MGA: variants seen among roughly 807,000 people sequenced by gnomAD.
MGA encodes the protein MAX dimerization protein MGA.
Under a neutral mutation model 261.1 loss-of-function variants are expected in MGA, and 40 were observed. That is an observed-to-expected ratio of 0.15 (90% CI 0.12 to 0.20). The LOEUF (loss-of-function observed/expected upper bound fraction) is 0.20, where lower values mean the gene tolerates loss of function less well. MGA is among the 10% of genes least tolerant of loss of function. The pLI is 1.00. For missense variants in MGA, 3,397 were observed against 3,630.5 expected, an observed-to-expected ratio of 0.94 and a Z score of 1.65; for synonymous variants, 1,302 against 1,290.6, an observed-to-expected ratio of 1.01 and a Z score of -0.19.
At chr15:41,724,280 A>G (rs1045868548) in intron 9 of MGA, among the ~76,000 whole-genome samples, 1 of 152,198 alleles carries the variant, frequency 6.6e-6, no homozygotes, top group African/African-American at 2.4e-5. Flanking sequence ...CATACTTACT[A>G]CACATGCTAC....
chr15:41,622,270 C>T (rs970872064), intron 1 of MGA, among the ~76,000 whole-genome samples: 1 of 152,200 alleles, frequency 6.6e-6, no homozygotes, highest in African/African-American at 2.4e-5. Context: ...TTCCATTTCT[C>T]ATTCAGCTCG....
At chr15:41,683,984 C>G (rs1199344268) in intron 2 of MGA, among the ~76,000 whole-genome samples, 1 of 151,956 alleles carries the variant, frequency 6.6e-6, no homozygotes, top group Non-Finnish European at 1.5e-5. Flanking sequence ...AGGTTAGTTA[C>G]ATACGGCATG....
At chr15:41,725,480 CA>C (rs1334801907) in intron 9 of MGA, among the ~76,000 whole-genome samples, 1 of 152,078 alleles carries the variant, frequency 6.6e-6, no homozygotes, top group Non-Finnish European at 1.5e-5. Flanking sequence ...CAGGAGGCTA[CA>C]GTGAGCCATG....
Position 41,669,479 on chromosome 15 carries a change from C to G in MGA, c.585C>G (p.His195Gln). ...ACCAAGAAGGGCATATCATCTTGCA[C>G]TCTATGCATCGTTACCTGCCGAGGC... Residue 195 changes from histidine (H) to glutamine (Q), a missense_variant, in exon 2 of 24, where the codon CAC becomes CAG. This residue lies in a region of MGA where 104 missense variants were observed against 212.9 expected (regional missense o/e 0.49). Transcript: ENST00000219905. The G allele has an allele frequency of 6.2e-7, 1 of 1,613,976 alleles. No homozygotes were observed. The highest frequency in any genetic ancestry group is 8.5e-7 in the Non-Finnish European group (1 of 1,179,868).
intron 18 of MGA, among the ~76,000 whole-genome samples, chr15:41,756,543 A>G (rs2063158716): frequency 6.6e-6 from 1 of 152,206 alleles, no homozygotes; most frequent in Admixed American, 6.5e-5. Context: ...ATGCCCCAGA[A>G]AAATTTTCAC....
chr15:41,709,830 CT>C (rs1186921703), intron 7 of MGA, among the ~76,000 whole-genome samples: 7 of 79,276 alleles, frequency 8.8e-5, no homozygotes, highest in African/African-American at 9.2e-5. Context: ...CTTTTCTTTT[CT>C]TTTTTTTTGA....
chr15:41,653,924 T>C (rs1473269055), intron 1 of MGA, among the ~76,000 whole-genome samples: 1 of 152,202 alleles, frequency 6.6e-6, no homozygotes, highest in East Asian at 1.9e-4. Context: ...TTGGTTTCAC[T>C]ACACTGTTCT....
At chr15:41,745,281 TAAAAAA>T (rs71108126) in intron 15 of MGA, among the ~76,000 whole-genome samples, 90 of 33,220 alleles carry the variant, frequency 2.7e-3, no homozygotes, top group East Asian at 6.5e-3. Context: ...GAATGATCAA[TAAAAAA>T]AAAAAAAAAA....
chr15:41,668,537 A>G (rs887228626), intron 1 of MGA, among the ~76,000 whole-genome samples: 1 of 151,632 alleles, frequency 6.6e-6, no homozygotes, highest in Non-Finnish European at 1.5e-5. Context: ...AATAATGAAT[A>G]TACTCTTTTG....
intron 11 of MGA, among the ~76,000 whole-genome samples, chr15:41,730,751 A>G (rs1329892971): frequency 6.6e-6 from 1 of 152,206 alleles, no homozygotes; most frequent in African/African-American, 2.4e-5. Context: ...TATGCTTTGC[A>G]TAATCTTGTG....
At chr15:41,742,488 A>C in intron 14 of MGA, 58 bp from the exon 15 acceptor site, 1 of 1,573,382 alleles carries the variant, frequency 6.4e-7, no homozygotes, top group South Asian at 1.2e-5. Flanking sequence ...AAGCACAGTC[A>C]CTAAGAGGAT....
intron 11 of MGA, among the ~76,000 whole-genome samples, chr15:41,729,927 T>G (rs555171824): frequency 2.8e-4 from 43 of 152,230 alleles, no homozygotes; most frequent in African/African-American, 9.6e-4. Flanking sequence ...AGTTTTGCTC[T>G]TGTTGCCCAG....
intron 2 of MGA, among the ~76,000 whole-genome samples, chr15:41,690,243 G>T (rs553281123): frequency 1.3e-5 from 2 of 152,202 alleles, no homozygotes; most frequent in African/African-American, 4.8e-5. Context: ...TGTTTTTAAG[G>T]TTCATCCATG....
At position 41,709,724 on chromosome 15, in the gene MGA, C is replaced by A. The variant is rs187634099; in HGVS notation, c.2426-967C>A. ...GTGCCGGGATTACAGGCATGAACCC[C>A]CGTGCTCAGTCTCACTCTCATAAAT... On this transcript the variant is annotated intron_variant, in intron 7 of 23. Coordinates refer to ENST00000219905, the MANE Select transcript of MGA (RefSeq NM_001164273.2). Among the ~76,000 whole-genome samples the A allele has an allele frequency of 3.3e-5, 5 of 152,244 alleles. No homozygotes were observed. In the East Asian group the frequency reaches 9.7e-4, roughly 29 times the overall value.
chr15:41,686,237 G>A (rs1192720696), intron 2 of MGA, among the ~76,000 whole-genome samples: 1 of 151,662 alleles, frequency 6.6e-6, no homozygotes, highest in Non-Finnish European at 1.5e-5. Flanking sequence ...TTGAGGCAGG[G>A]TGTGGTGGCT....
Position 41,749,346 on chromosome 15 carries a change from A to G in MGA, c.5739A>G (p.Ala1913=). 1 of 1,614,034 alleles carries G rather than the reference A, an allele frequency of 6.2e-7. No homozygotes were observed. The highest frequency in any genetic ancestry group is 1.6e-4 in the Middle Eastern group (1 of 6,062). Reference sequence around the variant, plus strand: ...CTCCTCCTGAACCACAAAGCTTTGCAAGTAAAACAGGCTCTGAAACCAAAA... The same window carrying G: ...CTCCTCCTGAACCACAAAGCTTTGCGAGTAAAACAGGCTCTGAAACCAAAA... The change falls in exon 17 of 24, where the codon GCA becomes GCG. Residue 1913 remains alanine, a synonymous_variant. Coordinates refer to ENST00000219905, the MANE Select transcript of MGA (RefSeq NM_001164273.2).
intron 12 of MGA, among the ~76,000 whole-genome samples, chr15:41,735,797 C>T (rs2061748174): frequency 6.6e-6 from 1 of 151,944 alleles, no homozygotes; most frequent in Non-Finnish European, 1.5e-5. Context: ...CTAATCTGTA[C>T]ATGTTTCAAA....
At chr15:41,712,902 T>G (rs1246880564) in intron 8 of MGA, among the ~76,000 whole-genome samples, 1 of 152,194 alleles carries the variant, frequency 6.6e-6, no homozygotes, top group Non-Finnish European at 1.5e-5. Flanking sequence ...CGTTAGAACA[T>G]TATGTATAAT....
Position 41,696,158 on chromosome 15 carries a change from A to C in MGA, c.1148A>C (p.Glu383Ala). 1 of 1,614,000 alleles carries C rather than the reference A, an allele frequency of 6.2e-7. No homozygotes were observed. Among genetic ancestry groups the C allele is most frequent in the Non-Finnish European group, 8.5e-7 (1 of 1,179,890 alleles). The stretch of plus-strand genomic sequence containing the variant: ...GGAAGCTTCAATGTTGTTATTAAAG[A>C]GGAACCTCTAGATGATTATGACTAC... Residue 383 changes from glutamate (E) to alanine (A), a missense_variant, in exon 3 of 24, where the codon GAG (glutamate) becomes GCG (alanine). Coordinates refer to ENST00000219905, the MANE Select transcript of MGA (RefSeq NM_001164273.2).
Sources: allele counts gnomAD v4.1 joint callset (sites outside exome capture counted in the v4.1 genomes callset), GRCh38; gene constraint gnomAD v4.1.1; regional missense constraint gnomAD v4.1.1; transcripts MANE v1.5; gene names NCBI Gene and HGNC (gene_info 2026-07-23, HGNC 2026-07-21).